CACNA1H: variants seen among roughly 807,000 people sequenced by gnomAD.
The protein encoded by CACNA1H is voltage-dependent T-type calcium channel subunit alpha-1H.
Under a neutral mutation model 192.5 loss-of-function variants are expected in CACNA1H, and 149 were observed. The observed-to-expected ratio is 0.77, with a 90% CI of 0.68 to 0.89. CACNA1H has a LOEUF of 0.89. Ranked by LOEUF, CACNA1H falls within the 40% of genes least tolerant of loss-of-function variation. The probability of loss-of-function intolerance (pLI) is 0.00; values close to 1 mark genes in which losing one functional copy is unlikely to be tolerated. For missense variants in CACNA1H, 4,257 were observed against 3,423.5 expected (o/e 1.24, Z -6.08); for synonymous variants, 2,202 against 1,475.2 (o/e 1.49, Z -11.29).
intron 2 of CACNA1H, among the ~76,000 whole-genome samples, chr16:1,176,818 C>A (rs1333685928): frequency 2.0e-5 from 3 of 152,176 alleles, no homozygotes; most frequent in African/African-American, 7.2e-5. Flanking sequence ...TCCTGCCTCC[C>A]CTCGGCCCTT....
chr16:1,179,206 C>A (rs1432587801), intron 2 of CACNA1H, among the ~76,000 whole-genome samples: 2 of 152,196 alleles, frequency 1.3e-5, no homozygotes, highest in East Asian at 1.9e-4. Context: ...TTATCTGACG[C>A]GCCTCCCGGG....
At chr16:1,186,551 C>T (rs866009658) in intron 2 of CACNA1H, among the ~76,000 whole-genome samples, 1 of 152,090 alleles carries the variant, frequency 6.6e-6, no homozygotes, top group East Asian at 1.9e-4. Context: ...TCCCTGGGAA[C>T]GTCTCTGTAC....
chr16:1,212,236 G>GCTCT (rs1969536486), intron 25 of CACNA1H, 98 bp downstream of exon 25: 33 of 1,449,528 alleles, frequency 2.3e-5, no homozygotes, highest in Non-Finnish European at 2.9e-5. Flanking sequence ...TCCCCGAATG[G>GCTCT]CTCTGCACGC....
At chr16:1,198,990 G>C in intron 6 of CACNA1H, 1 of 512,380 alleles carries the variant, frequency 2.0e-6, no homozygotes. Flanking sequence ...CGCCCCACAT[G>C]GCTCCGCCCA....
rs553077928 is a variant in CACNA1H, at chr16:1,205,128, T to G, written c.2466T>G (p.Thr822=). 3 of 1,612,178 alleles carry G rather than the reference T, an allele frequency of 1.9e-6. No homozygotes were observed. Among genetic ancestry groups the G allele is most frequent in the Middle Eastern group, 1.6e-4 (1 of 6,080 alleles). Reference sequence around the variant, plus strand: ...TCTGCCTGCAGCCCGAGGAGCTGACTAATGCTCTGGAGATCAGCAACATCG... The same window carrying G: ...TCTGCCTGCAGCCCGAGGAGCTGACGAATGCTCTGGAGATCAGCAACATCG... ...VEYHEQPEEL[T]NALEISNIVF... is the part of the protein sequence containing the mutation. Residue 822 remains threonine (T), a synonymous_variant, in exon 11 of 35, where the codon ACT becomes ACG. Coordinates refer to ENST00000348261, the MANE Select transcript of CACNA1H (RefSeq NM_021098.3).
intron 25 of CACNA1H, 136 bp downstream of exon 25, chr16:1,212,274 G>A (rs1969542911): frequency 7.4e-7 from 1 of 1,346,778 alleles, no homozygotes; most frequent in African/African-American, 1.5e-5. Context: ...CCTGCATGGG[G>A]GCTGGGCCTT....
chr16:1,190,165 C>A (rs1048731816), intron 2 of CACNA1H, among the ~76,000 whole-genome samples: 3 of 152,236 alleles, frequency 2.0e-5, no homozygotes, highest in African/African-American at 7.2e-5. Flanking sequence ...GGCTGGGTTC[C>A]CTGACCGTTC....
At chr16:1,178,467 C>T (rs1965139321) in intron 2 of CACNA1H, among the ~76,000 whole-genome samples, 2 of 151,900 alleles carry the variant, frequency 1.3e-5, no homozygotes, top group South Asian at 2.1e-4. Context: ...AGGGCCCTTT[C>T]GAAGGGGGTT....
At chr16:1,211,688 C>T (rs565981543) in intron 23 of CACNA1H, 28 bp from the exon 24 acceptor site, 21 of 1,611,940 alleles carry the variant, frequency 1.3e-5, no homozygotes, top group African/African-American at 5.3e-5. Context: ...CTCTAACCCT[C>T]GCCAGTGACC....
At position 1,195,455 on chromosome 16, in the gene CACNA1H, C is replaced by T. The variant is rs767978411; in HGVS notation, c.435C>T (p.Ala145=). 7 of 1,562,914 alleles carry T rather than the reference C, an allele frequency of 4.5e-6. No individual in the cohort carries two copies. The highest frequency in any genetic ancestry group is 1.2e-5 in the South Asian group (1 of 84,724). The change falls in exon 4 of 35, where the codon GCC becomes GCT. Residue 145 remains alanine (A), a synonymous_variant. Transcript: ENST00000348261. ...AGGCCTTTGACGCCTTCATTTTCGC[C>T]TTTTTTGCGGTGGAGATGGTCATCA... ...ILEAFDAFIF[A]FFAVEMVIKM... is the part of the protein sequence containing the mutation.
chr16:1,210,300 C>T (rs1484312929), intron 18 of CACNA1H, 70 bp from the exon 19 acceptor site: 9 of 1,387,206 alleles, frequency 6.5e-6, no homozygotes, highest in Admixed American at 4.0e-5. Flanking sequence ...CCAGGGCTGT[C>T]CTGCAACCCC....
In CACNA1H at chr16:1,214,962, C is replaced by A; in HGVS notation, c.4930-10C>A. 1 of 1,592,846 alleles carries A rather than the reference C, an allele frequency of 6.3e-7. No homozygotes were observed. The highest frequency in any genetic ancestry group is 2.3e-5 in the East Asian group (1 of 44,150). On this transcript the variant is annotated splice_polypyrimidine_tract_variant and intron_variant, in intron 27 of 34. Coordinates refer to ENST00000348261, the MANE Select transcript of CACNA1H (RefSeq NM_021098.3). ...GCCCCACCTCAGCCAGCCCGACCCT[C>A]CACCCCCAGTCGCTGGACGAGGCCC...
At chr16:1,155,158 C>T (rs1005599341) in intron 2 of CACNA1H, among the ~76,000 whole-genome samples, 11 of 152,240 alleles carry the variant, frequency 7.2e-5, no homozygotes, top group Admixed American at 1.3e-4. Flanking sequence ...CGTGTTTCTC[C>T]TTTCTCAAAT....
chr16:1,201,089 G>A (rs570937384), intron 8 of CACNA1H, among the ~76,000 whole-genome samples: 2 of 152,114 alleles, frequency 1.3e-5, no homozygotes, highest in Admixed American at 1.3e-4. Context: ...CGCTTTCCAC[G>A]GGCGTGTGTG....
chr16:1,215,029 G>A lies in CACNA1H; in HGVS notation c.4987G>A (p.Glu1663Lys). The change falls in exon 28 of 35, where the codon GAG becomes AAG. Residue 1663 changes from glutamate to lysine, a missense_variant. Glu to Lys is a moderately conservative substitution (Grantham distance 56). Coordinates refer to ENST00000348261, the MANE Select transcript of CACNA1H (RefSeq NM_021098.3). ...CGTCTTCACCATCGTGTTTGTCTTC[G>A]AGGCTGCACTGAAGCTGGTAGCATT... The part of the protein sequence containing the change: ...NYVFTIVFVF[E>K]AALKLVAFGF... 1.2e-6 allele frequency: 2 copies of A among 1,613,044 alleles called. No homozygotes were observed. The highest frequency in any genetic ancestry group is 1.1e-5 in the South Asian group (1 of 90,902).
intron 5 of CACNA1H, among the ~76,000 whole-genome samples, chr16:1,197,967 G>A (rs995748674): frequency 1.3e-5 from 2 of 152,114 alleles, no homozygotes; most frequent in East Asian, 1.9e-4. Context: ...TGGCTTCAGT[G>A]CTACCTCCTG....
chr16:1,219,856 G>A, intron 34 of CACNA1H, 125 bp from the exon 35 acceptor site: 1 of 654,276 alleles, frequency 1.5e-6, no homozygotes, highest in African/African-American at 1.9e-5. Flanking sequence ...AGGGTCAGGA[G>A]CCACCCAGGG....
chr16:1,202,438 T>G lies in CACNA1H; in HGVS notation c.1988T>G (p.Val663Gly). Residue 663 changes from valine (V) to glycine (G), a missense_variant, in exon 9 of 35, where the codon GTG becomes GGG. By Grantham distance (109) the Val-to-Gly change is moderately radical. Coordinates refer to ENST00000348261, the MANE Select transcript of CACNA1H (RefSeq NM_021098.3). ...GATCCCTACGAGAAGATCCCGCATG[T>G]GGTCGGGGAGCATGGTGAGGACCCA... Reference protein sequence around the residue: ...SPDPYEKIPHVVGEHGLGQAP... With the variant: ...SPDPYEKIPHGVGEHGLGQAP... 1 of 1,500,640 alleles carries G rather than the reference T, an allele frequency of 6.7e-7. No individual in the cohort carries two copies. The highest frequency in any genetic ancestry group is 8.9e-7 in the Non-Finnish European group (1 of 1,120,428). 93.0% of individuals were successfully genotyped at this position (1,500,640 alleles called of 1,614,324 possible).
intron 2 of CACNA1H, among the ~76,000 whole-genome samples, chr16:1,181,656 T>C (rs1473007268): frequency 1.3e-5 from 2 of 152,230 alleles, no homozygotes; most frequent in East Asian, 1.9e-4. Flanking sequence ...CTAATTAGCA[T>C]GGCTTTTAAA....
Sources: allele counts gnomAD v4.1 joint callset (sites outside exome capture counted in the v4.1 genomes callset), GRCh38; gene constraint gnomAD v4.1.1; transcripts MANE v1.5; gene names NCBI Gene and HGNC (gene_info 2026-07-23, HGNC 2026-07-21).